Variants in TMEM120B observed in about 807,000 individuals in gnomAD.
TMEM120B encodes transmembrane protein 120B.
Under a neutral mutation model 55.5 loss-of-function variants are expected in TMEM120B, and 31 were observed. The observed-to-expected ratio is 0.56, with a 90% CI of 0.42 to 0.75. The LOEUF is 0.75. Ranked by LOEUF, TMEM120B falls within the 30% of genes least tolerant of loss-of-function variation. TMEM120B has a pLI of 0.00. For synonymous variants in TMEM120B, 203 were observed against 176.3 expected, an observed-to-expected ratio of 1.15 and a Z score of -1.20; for missense variants, 399 against 425.5, an observed-to-expected ratio of 0.94 and a Z score of 0.55.
At chr12:121,732,504 G>A (rs1895019992) in intron 1 of TMEM120B, among the ~76,000 whole-genome samples, 1 of 152,108 alleles carries the variant, frequency 6.6e-6, no homozygotes, top group Admixed American at 6.6e-5. Flanking sequence ...TTATGGGAAG[G>A]CCCACGGATT....
At chr12:121,752,526 G>A (rs1873363248) in intron 5 of TMEM120B, among the ~76,000 whole-genome samples, 1 of 151,792 alleles carries the variant, frequency 6.6e-6, no homozygotes, top group Non-Finnish European at 1.5e-5. Flanking sequence ...GCCGAGGCAG[G>A]CAGATCATTT....
intron 6 of TMEM120B, among the ~76,000 whole-genome samples, chr12:121,769,640 C>T (rs958725912): frequency 6.6e-6 from 1 of 151,950 alleles, no homozygotes; most frequent in Non-Finnish European, 1.5e-5. Context: ...GAGGTCAGGG[C>T]TGCAGTGAGC....
At chr12:121,755,788 T>C (rs1178549708) in intron 5 of TMEM120B, among the ~76,000 whole-genome samples, 1 of 152,194 alleles carries the variant, frequency 6.6e-6, no homozygotes, top group Non-Finnish European at 1.5e-5. Flanking sequence ...CTCAGAGTTA[T>C]CCCACCTGAG....
intron 5 of TMEM120B, among the ~76,000 whole-genome samples, chr12:121,760,296 A>G (rs1361807534): frequency 7.9e-6 from 1 of 126,082 alleles, no homozygotes; most frequent in Non-Finnish European, 1.6e-5. Flanking sequence ...CTCTGTCTCA[A>G]AAAAAAAAAG....
At chr12:121,767,230 G>A (rs185031441) in intron 6 of TMEM120B, among the ~76,000 whole-genome samples, 49 of 152,224 alleles carry the variant, frequency 3.2e-4, no homozygotes, top group Admixed American at 2.6e-3. Flanking sequence ...GTGCGATCTC[G>A]GCTCACTGCA....
In TMEM120B at chr12:121,774,648, C is replaced by T. The variant is rs750842287; in HGVS notation, c.773-10C>T. On this transcript the variant is annotated splice_polypyrimidine_tract_variant and intron_variant, in intron 9 of 11. Transcript: ENST00000449592. The stretch of plus-strand genomic sequence containing the variant: ...CTCAGCGGGTCCTTTTTCTTCCCTC[C>T]TCTCCACAGAAGGGTTCCAGTCCTG... 1.2e-6 allele frequency: 2 copies of T among 1,613,542 alleles called. No individual in the cohort carries two copies. Among genetic ancestry groups the T allele is most frequent in the Non-Finnish European group, 1.7e-6 (2 of 1,179,614 alleles).
chr12:121,774,838 C>G, intron 10 of TMEM120B, 116 bp downstream of exon 10: 32 of 1,339,042 alleles, frequency 2.4e-5, no homozygotes, highest in Non-Finnish European at 3.2e-5. Flanking sequence ...CCACAGCATC[C>G]TGGGGCCGGG....
At chr12:121,750,907 C>CTATA (rs1375236392) in intron 4 of TMEM120B, among the ~76,000 whole-genome samples, 2 of 110,684 alleles carry the variant, frequency 1.8e-5, no homozygotes, top group Non-Finnish European at 2.0e-5. Flanking sequence ...ACACCCACAC[C>CTATA]CCACACCCCA....
chr12:121,739,978 C>T (rs1413548891), intron 1 of TMEM120B, among the ~76,000 whole-genome samples: 2 of 151,838 alleles, frequency 1.3e-5, no homozygotes, highest in African/African-American at 4.8e-5. Context: ...GGGGTTTCAC[C>T]ATGTTGGTCA....
intron 1 of TMEM120B, among the ~76,000 whole-genome samples, chr12:121,742,282 C>T (rs141208714): frequency 2.0e-5 from 3 of 151,816 alleles, no homozygotes; most frequent in South Asian, 2.1e-4. Flanking sequence ...GGATTACAGA[C>T]GTGAGCCACC....
At chr12:121,713,145 C>G (rs567665319) in intron 1 of TMEM120B, among the ~76,000 whole-genome samples, 181 bp downstream of exon 1, 91 of 152,150 alleles carry the variant, frequency 6.0e-4, no homozygotes, top group Non-Finnish European at 7.2e-4. Context: ...TTCAGCTCTT[C>G]GTCCACGTGG....
At chr12:121,738,453 C>T (rs972461262) in intron 1 of TMEM120B, among the ~76,000 whole-genome samples, 1 of 152,112 alleles carries the variant, frequency 6.6e-6, no homozygotes, top group African/African-American at 2.4e-5. Context: ...AGGAGGGGTG[C>T]GGGCCCCTTA....
At chr12:121,760,784 C>T (rs1243978270) in intron 5 of TMEM120B, among the ~76,000 whole-genome samples, 1 of 152,168 alleles carries the variant, frequency 6.6e-6, no homozygotes, top group Non-Finnish European at 1.5e-5. Context: ...GGTCACCTGA[C>T]ATTCCTGGTT....
intron 1 of TMEM120B, among the ~76,000 whole-genome samples, chr12:121,714,753 G>A (rs564960765): frequency 8.7e-5 from 13 of 150,200 alleles, no homozygotes; most frequent in African/African-American, 2.9e-4. Flanking sequence ...GTAGAGACAG[G>A]GTTTCACCAT....
At chr12:121,724,953 C>G (rs998978593) in intron 1 of TMEM120B, among the ~76,000 whole-genome samples, 3 of 152,152 alleles carry the variant, frequency 2.0e-5, no homozygotes, top group Admixed American at 1.3e-4. Context: ...CTATAGGCTC[C>G]ATGTCAGTCA....
chr12:121,732,612 AGCTGTTATAT>A (rs1895021708), intron 1 of TMEM120B, among the ~76,000 whole-genome samples: 1 of 152,212 alleles, frequency 6.6e-6, no homozygotes. Flanking sequence ...AGATGTGGAC[AGCTGTTATAT>A]GCTGTGGGTG....
rs905198661 is a variant in TMEM120B at position 121,779,889 on chromosome 12, G to A, written c.*4167G>A. 5 of 540,860 alleles carry A rather than the reference G, an allele frequency of 9.2e-6. No homozygotes were observed. The highest frequency in any genetic ancestry group is 1.7e-5 in the Non-Finnish European group (5 of 301,920). The allele number at this position is 540,860 out of a possible 1,614,324, so 33.5% of individuals were successfully genotyped here. A position where few individuals can be genotyped will look rare whatever the true frequency, so the allele number is the denominator to read the frequency against. ...AAGCCCTGTCCAGGCCCCCACCCTG[G>A]CCTCTCTCCAGCTCCGGGCAGGGAG... is the stretch of plus-strand genomic sequence containing the variant. On this transcript the variant is annotated 3_prime_UTR_variant, in exon 12 of 12. Transcript: ENST00000449592.
intron 1 of TMEM120B, among the ~76,000 whole-genome samples, chr12:121,721,671 T>C (rs1431151702): frequency 6.6e-6 from 1 of 151,626 alleles, no homozygotes; most frequent in Non-Finnish European, 1.5e-5. Flanking sequence ...GGTTTCACCA[T>C]GTTGGCCAAG....
At chr12:121,735,491 T>C (rs907506668) in intron 1 of TMEM120B, among the ~76,000 whole-genome samples, 1 of 151,454 alleles carries the variant, frequency 6.6e-6, no homozygotes, top group Admixed American at 6.6e-5. Context: ...CTCCGCGTCC[T>C]GGGATCAAGT....
Sources: allele counts gnomAD v4.1 joint callset (sites outside exome capture counted in the v4.1 genomes callset), GRCh38; gene constraint gnomAD v4.1.1; transcripts MANE v1.5; gene names NCBI Gene and HGNC (gene_info 2026-07-23, HGNC 2026-07-21).